Variants in CMSS1 observed in about 807,000 individuals in gnomAD.
CMSS1 encodes cms1 ribosomal small subunit homolog.
In CMSS1, 33 loss-of-function variants were observed where a neutral mutation model predicts 43.5. The ratio of observed to expected loss-of-function variants is 0.76; its 90% confidence interval spans 0.57 to 1.01. The LOEUF (loss-of-function observed/expected upper bound fraction) is 1.01. CMSS1 is among the 50% of genes least tolerant of loss of function. The pLI is 0.00. For missense variants in CMSS1, 313 were observed against 326.4 expected (o/e 0.96, Z 0.32); for synonymous variants, 115 against 117.2 (o/e 0.98, Z 0.12).
intron 1 of CMSS1, among the ~76,000 whole-genome samples, chr3:100,140,631 C>T (rs935476427): frequency 2.6e-5 from 4 of 152,012 alleles, no homozygotes; most frequent in Non-Finnish European, 4.4e-5. Flanking sequence ...GGATTATAGG[C>T]GTGAGCTACA....
chr3:100,169,364 G>T (rs2107530732), intron 6 of CMSS1, among the ~76,000 whole-genome samples: 1 of 152,332 alleles, frequency 6.6e-6, no homozygotes, highest in African/African-American at 2.4e-5. Flanking sequence ...GATGGGATTT[G>T]CTAGGACCAG....
At chr3:100,145,380 G>A (rs1251214931) in intron 1 of CMSS1, among the ~76,000 whole-genome samples, 8 of 151,978 alleles carry the variant, frequency 5.3e-5, no homozygotes, top group African/African-American at 9.7e-5. Context: ...TCCGGGAGGC[G>A]GAGGTTGCAG....
intron 1 of CMSS1, among the ~76,000 whole-genome samples, chr3:100,003,439 T>C (rs944921101): frequency 1.3e-5 from 2 of 152,208 alleles, no homozygotes; most frequent in Non-Finnish European, 2.9e-5. Flanking sequence ...CTGTAGCAAG[T>C]GCCTACCATG....
intron 1 of CMSS1, among the ~76,000 whole-genome samples, chr3:100,095,094 A>G (rs989925102): frequency 7.2e-5 from 11 of 152,172 alleles, no homozygotes; most frequent in Admixed American, 7.2e-4. Flanking sequence ...TCATTGATCT[A>G]TGTGACTATC....
chr3:100,077,043 T>G (rs1043850471), intron 1 of CMSS1, among the ~76,000 whole-genome samples: 1 of 152,204 alleles, frequency 6.6e-6, no homozygotes, highest in African/African-American at 2.4e-5. Flanking sequence ...CTGGCCAGGG[T>G]ACGCTTACAT....
At chr3:99,896,684 A>G (rs1371626332) in intron 1 of CMSS1, among the ~76,000 whole-genome samples, 5 of 152,216 alleles carry the variant, frequency 3.3e-5, no homozygotes, top group Admixed American at 2.0e-4. Context: ...TTATAATTCT[A>G]CAATGATAGT....
intron 9 of CMSS1, among the ~76,000 whole-genome samples, chr3:100,177,635 G>T (rs1434077000): frequency 6.6e-6 from 1 of 152,120 alleles, no homozygotes; most frequent in Admixed American, 6.6e-5. Context: ...AAACAAAAGG[G>T]CACTTTAATG....
chr3:99,884,560 A>G (rs1272913063), intron 1 of CMSS1, among the ~76,000 whole-genome samples: 3 of 152,178 alleles, frequency 2.0e-5, no homozygotes, highest in Non-Finnish European at 4.4e-5. Flanking sequence ...GCTGTCTCTG[A>G]TGTCTCAAAC....
chr3:99,980,474 C>G (rs1709090244), intron 1 of CMSS1, among the ~76,000 whole-genome samples: 1 of 152,130 alleles, frequency 6.6e-6, no homozygotes, highest in African/African-American at 2.4e-5. Context: ...TTTATTTCCA[C>G]AGAAACCATC....
intron 1 of CMSS1, among the ~76,000 whole-genome samples, chr3:99,915,844 A>G (rs1400170647): frequency 6.6e-6 from 1 of 152,220 alleles, no homozygotes; most frequent in Non-Finnish European, 1.5e-5. Flanking sequence ...TCTCCCCTAT[A>G]CTAAACAATA....
At chr3:99,958,791 A>G (rs1313562220) in intron 1 of CMSS1, among the ~76,000 whole-genome samples, 1 of 152,154 alleles carries the variant, frequency 6.6e-6, no homozygotes, top group African/African-American at 2.4e-5. Flanking sequence ...ATGTAGTGGA[A>G]CAGGCAGAGA....
rs577572428 is a variant in CMSS1 at position 100,081,198 on chromosome 3, G to A, written c.65-65775G>A. ...TCCTCTCTCAAGATGGAACTTCACC[G>A]AAGCCACCCAAGAGTCCTTCTAATC... On this transcript the variant is annotated intron_variant, in intron 1 of 9. Coordinates refer to ENST00000421999, the MANE Select transcript of CMSS1 (RefSeq NM_032359.4). 2.6e-5 allele frequency among the ~76,000 whole-genome samples: 4 copies of A among 152,236 alleles called. No homozygotes were observed. The East Asian group carries it at 7.7e-4, about 29-fold the overall frequency.
chr3:99,929,776 AGAG>A, intron 1 of CMSS1: 1 of 1,019,198 alleles, frequency 9.8e-7, no homozygotes, highest in Non-Finnish European at 1.4e-6. Context: ...AAGGAATCAA[AGAG>A]GAGTTACAGA....
chr3:100,037,680 C>T (rs1277267640), intron 1 of CMSS1, among the ~76,000 whole-genome samples: 1 of 152,196 alleles, frequency 6.6e-6, no homozygotes, highest in Non-Finnish European at 1.5e-5. Flanking sequence ...GGCACACCTA[C>T]ATTTGTTTTA....
chr3:99,862,595 A>G (rs3732444), intron 1 of CMSS1, among the ~76,000 whole-genome samples: 19,049 of 152,188 alleles, frequency 0.13, 1,721 homozygotes, highest in African/African-American at 0.25. Flanking sequence ...CAGGAGCAAC[A>G]CAGTACCTCC....
chr3:100,071,591 C>G (rs2065764868), intron 1 of CMSS1, among the ~76,000 whole-genome samples: 1 of 152,164 alleles, frequency 6.6e-6, no homozygotes, highest in Non-Finnish European at 1.5e-5. Context: ...GAGCCAAGCC[C>G]CATTTTTGAT....
chr3:100,099,893 G>A (rs1049432730), intron 1 of CMSS1, among the ~76,000 whole-genome samples: 5 of 152,230 alleles, frequency 3.3e-5, no homozygotes, highest in African/African-American at 1.2e-4. Context: ...GCTGAGAGTG[G>A]GCAGAGGGTT....
chr3:100,178,067 C>G (rs1488287773), intron 9 of CMSS1, among the ~76,000 whole-genome samples: 1 of 152,094 alleles, frequency 6.6e-6, no homozygotes, highest in African/African-American at 2.4e-5. Context: ...AGCAGTTAGC[C>G]GAGATCACGC....
intron 1 of CMSS1, among the ~76,000 whole-genome samples, chr3:100,103,600 G>A (rs2066345221): frequency 6.6e-6 from 1 of 152,134 alleles, no homozygotes; most frequent in Non-Finnish European, 1.5e-5. Flanking sequence ...GCAAAAAGGA[G>A]GTGTGGGCAG....
Sources: gnomAD v4.1 joint callset for allele counts (sites outside exome capture counted in the v4.1 genomes callset) on GRCh38, gnomAD v4.1.1 for gene constraint, MANE v1.5 for transcripts, NCBI Gene and HGNC (gene_info 2026-07-23, HGNC 2026-07-21) for gene names.